VCPIP1: variants seen among roughly 807,000 people sequenced by gnomAD.
VCPIP1 encodes the protein valosin containing protein interacting protein 1, also known as deubiquitinating protein VCPIP1.
VCPIP1 carries 8 observed loss-of-function variants against 85.0 expected under a neutral mutation model. That is an observed-to-expected ratio of 0.09 (90% CI 0.06 to 0.17). The LOEUF (loss-of-function observed/expected upper bound fraction) is 0.17, where lower values mean the gene tolerates loss of function less well. Among genes scored for constraint, VCPIP1 ranks in the 10% least tolerant of loss-of-function variants. VCPIP1 has a pLI of 1.00. For missense variants in VCPIP1, 1,070 were observed against 1,486.3 expected, an observed-to-expected ratio of 0.72 and a Z score of 4.61; for synonymous variants, 543 against 544.5, an observed-to-expected ratio of 1.00 and a Z score of 0.04.
chr8:66,635,320 A>G lies in VCPIP1; in HGVS notation c.2850T>C (p.Phe950=). ...CTFPHLPGKT[F]VYNASEDRLE... ...GTCTATCTTCAGAAGCATTATAGAC[A>G]AAGGTTTTGCCAGGCAGATGTGGAA... Residue 950 remains phenylalanine, a synonymous_variant, in exon 3 of 3, where the codon TTT becomes TTC. Transcript: ENST00000310421. The G allele has an allele frequency of 6.2e-7, 1 of 1,614,108 alleles. No individual in the cohort carries two copies. Among genetic ancestry groups the G allele is most frequent in the Non-Finnish European group, 8.5e-7 (1 of 1,180,022 alleles).
chr8:66,647,218 G>A (rs540910756), intron 2 of VCPIP1, among the ~76,000 whole-genome samples: 5 of 151,848 alleles, frequency 3.3e-5, no homozygotes, highest in Admixed American at 3.3e-4. Context: ...GCAGGCGCCT[G>A]TAATCCCAGC....
Position 66,629,897 on chromosome 8 carries a change from C to T in VCPIP1, c.*4604G>A, listed in dbSNP as rs1184232441. 6.6e-6 allele frequency: 1 copy of T among 152,094 alleles called. No individual in the cohort carries two copies. Among genetic ancestry groups the T allele is most frequent in the Admixed American group, 6.6e-5 (1 of 15,266 alleles). The allele number at this position is 152,094 out of a possible 1,614,324, so 9.4% of individuals were successfully genotyped here. On this transcript the variant is annotated 3_prime_UTR_variant, in exon 3 of 3. Transcript: ENST00000310421. ...TTTTCACTGGGTCCATTTCATCTAG[C>T]AATGAAATCTACATTAAGGGGAAAA...
chr8:66,650,236 G>T (rs1811038826), intron 2 of VCPIP1, among the ~76,000 whole-genome samples: 1 of 152,120 alleles, frequency 6.6e-6, no homozygotes, highest in Admixed American at 6.5e-5. Context: ...AATCATTATT[G>T]AGGCTGGGTA....
chr8:66,644,515 G>C (rs1048025019), intron 2 of VCPIP1, among the ~76,000 whole-genome samples: 1 of 151,992 alleles, frequency 6.6e-6, no homozygotes, highest in African/African-American at 2.4e-5. Flanking sequence ...ACAAACCCAG[G>C]AATAGAAAGA....
intron 2 of VCPIP1, among the ~76,000 whole-genome samples, chr8:66,637,152 C>T (rs984530369): frequency 6.6e-6 from 1 of 151,870 alleles, no homozygotes; most frequent in African/African-American, 2.4e-5. Context: ...GAGTTTGATA[C>T]CAGCTGGGCA....
At chr8:66,655,890 T>A (rs1233917489) in intron 1 of VCPIP1, among the ~76,000 whole-genome samples, 1 of 152,068 alleles carries the variant, frequency 6.6e-6, no homozygotes, top group Non-Finnish European at 1.5e-5. Flanking sequence ...TGTGTATATA[T>A]AAATGTAGAA....
intron 2 of VCPIP1, among the ~76,000 whole-genome samples, chr8:66,645,215 C>T (rs531218674): frequency 3.8e-4 from 57 of 150,616 alleles, no homozygotes; most frequent in African/African-American, 1.4e-3. Flanking sequence ...GTCAGGAGTT[C>T]GAGACCAGCT....
At chr8:66,651,363 T>A (rs1286498769) in intron 2 of VCPIP1, 95 bp downstream of exon 2, 5 of 944,848 alleles carry the variant, frequency 5.3e-6, no homozygotes, top group South Asian at 2.1e-5. Flanking sequence ...AAATTAACTT[T>A]GAAAATATTT....
intron 1 of VCPIP1, among the ~76,000 whole-genome samples, chr8:66,653,005 T>C (rs1811068025): frequency 6.6e-6 from 1 of 152,230 alleles, no homozygotes; most frequent in South Asian, 2.1e-4. Context: ...ACTTACAACA[T>C]CTCAGAGTTC....
chr8:66,657,895 T>C (rs1811115221), intron 1 of VCPIP1, among the ~76,000 whole-genome samples: 1 of 152,232 alleles, frequency 6.6e-6, no homozygotes, highest in Non-Finnish European at 1.5e-5. Flanking sequence ...TTTCAAAGTA[T>C]AATTATATAA....
At chr8:66,645,247 G>A (rs1349920523) in intron 2 of VCPIP1, among the ~76,000 whole-genome samples, 1 of 151,754 alleles carries the variant, frequency 6.6e-6, no homozygotes, top group Non-Finnish European at 1.5e-5. Flanking sequence ...GTGAAACCCC[G>A]TCTCTACTAA....
At chr8:66,647,071 G>A (rs1025588412) in intron 2 of VCPIP1, among the ~76,000 whole-genome samples, 1 of 151,662 alleles carries the variant, frequency 6.6e-6, no homozygotes, top group East Asian at 2.0e-4. Context: ...GGCCAGGCAT[G>A]GTGGCTCACG....
At chr8:66,657,738 G>A (rs1811114069) in intron 1 of VCPIP1, among the ~76,000 whole-genome samples, 1 of 152,018 alleles carries the variant, frequency 6.6e-6, no homozygotes. Flanking sequence ...TATTTTATAG[G>A]TACTTGAATT....
chr8:66,660,308 C>T (rs1811143068), intron 1 of VCPIP1, among the ~76,000 whole-genome samples: 2 of 152,184 alleles, frequency 1.3e-5, no homozygotes. Flanking sequence ...CAGTCTCTGT[C>T]TTGATGGACT....
At chr8:66,659,116 T>C (rs1310944764) in intron 1 of VCPIP1, among the ~76,000 whole-genome samples, 1 of 151,866 alleles carries the variant, frequency 6.6e-6, no homozygotes, top group African/African-American at 2.4e-5. Context: ...AAAAATAAAT[T>C]AGCCCAAATA....
At chr8:66,644,913 A>G (rs1190314406) in intron 2 of VCPIP1, among the ~76,000 whole-genome samples, 1 of 151,868 alleles carries the variant, frequency 6.6e-6, no homozygotes, top group African/African-American at 2.4e-5. Context: ...AGCCTGGGCA[A>G]TACAGTGAAA....
At chr8:66,635,462 TTAAA>T in intron 2 of VCPIP1, 90 bp from the exon 3 acceptor site, 1 of 1,283,248 alleles carries the variant, frequency 7.8e-7, no homozygotes. Flanking sequence ...ATAATGAATT[TTAAA>T]TAACAATTTA....
chr8:66,645,434 A>G (rs1434770046), intron 2 of VCPIP1, among the ~76,000 whole-genome samples: 1 of 152,120 alleles, frequency 6.6e-6, no homozygotes, highest in African/African-American at 2.4e-5. Flanking sequence ...ATAAAACAAA[A>G]GAAAAAGAAA....
Position 66,634,589 on chromosome 8 carries a change from T to C in VCPIP1, c.3581A>G (p.Gln1194Arg), listed in dbSNP as rs1810865362. The C allele has an allele frequency of 6.2e-7, 1 of 1,614,220 alleles. No individual in the cohort carries two copies. Among genetic ancestry groups the C allele is most frequent in the Non-Finnish European group, 8.5e-7 (1 of 1,180,040 alleles). Residue 1194 changes from glutamine to arginine, a missense_variant, in exon 3 of 3, where the codon CAA becomes CGA. This residue lies in a region of VCPIP1 where 255 missense variants were observed against 289.5 expected (regional missense o/e 0.88). Coordinates refer to ENST00000310421, the MANE Select transcript of VCPIP1 (RefSeq NM_025054.5). ...GAAFATRSKA[Q>R]RGNSVEELEE... ...AAGCTCCTCCACGGAATTTCCCCTTTGTGCTTTTGACCTTGTGGCAAAGGC... is the reference window on the plus strand; with the variant it reads ...AAGCTCCTCCACGGAATTTCCCCTTCGTGCTTTTGACCTTGTGGCAAAGGC...
Sources: allele counts gnomAD v4.1 joint callset (sites outside exome capture counted in the v4.1 genomes callset), GRCh38; gene constraint gnomAD v4.1.1; regional missense constraint gnomAD v4.1.1; transcripts MANE v1.5; gene names NCBI Gene and HGNC (gene_info 2026-07-23, HGNC 2026-07-21).